Variants in DLGAP2 observed in about 807,000 individuals in gnomAD.
DLGAP2 encodes DLG associated protein 2.
Under a neutral mutation model 100.3 loss-of-function variants are expected in DLGAP2, and 26 were observed. The observed-to-expected ratio is 0.26, with a 90% CI of 0.19 to 0.36. The LOEUF (loss-of-function observed/expected upper bound fraction) is 0.36. DLGAP2 is among the 10% of genes least tolerant of loss of function. DLGAP2 has a pLI of 1.00. For missense variants in DLGAP2, 1,858 were observed against 1,453.2 expected (o/e 1.28, Z -4.53); for synonymous variants, 886 against 630.1 (o/e 1.41, Z -6.08).
intron 6 of DLGAP2, among the ~76,000 whole-genome samples, chr8:1,570,701 G>A (rs999180396): frequency 1.3e-5 from 2 of 150,812 alleles, no homozygotes; most frequent in Middle Eastern, 3.2e-3. Flanking sequence ...GGTGTCTGAT[G>A]AGATGGAGAG....
chr8:1,438,687 C>T (rs1797728950), intron 3 of DLGAP2, among the ~76,000 whole-genome samples: 1 of 152,194 alleles, frequency 6.6e-6, no homozygotes, highest in African/African-American at 2.4e-5. Context: ...AGGATTTGAT[C>T]TATCACAATA....
chr8:1,417,646 GA>G (rs1796948039), intron 3 of DLGAP2, among the ~76,000 whole-genome samples: 4 of 147,136 alleles, frequency 2.7e-5, no homozygotes, highest in African/African-American at 1.1e-4. Flanking sequence ...GGGGCACGGG[GA>G]GCCCCACTCC....
chr8:1,604,671 C>A (rs79142055), intron 6 of DLGAP2: 2 of 112,122 alleles, frequency 1.8e-5, no homozygotes, highest in African/African-American at 3.1e-5. Flanking sequence ...CATGCAAGCA[C>A]GCAGGAGACT....
At chr8:1,562,411 A>T (rs79162251) in intron 5 of DLGAP2, among the ~76,000 whole-genome samples, 1 of 41,814 alleles carries the variant, frequency 2.4e-5, no homozygotes, top group Non-Finnish European at 4.3e-5. Flanking sequence ...GCGCCTCGTT[A>T]CTGGGGGACT....
At chr8:1,529,224 C>A (rs529875219) in intron 4 of DLGAP2, among the ~76,000 whole-genome samples, 78 of 152,232 alleles carry the variant, frequency 5.1e-4, no homozygotes, top group African/African-American at 1.7e-3. Flanking sequence ...GGGGAAGAGC[C>A]CCTTGTAAAA....
chr8:1,515,181 T>C (rs1160215943), intron 4 of DLGAP2, among the ~76,000 whole-genome samples: 1 of 151,114 alleles, frequency 6.6e-6, no homozygotes, highest in African/African-American at 2.4e-5. Flanking sequence ...TCACGGAGAG[T>C]TGTTGCATTG....
At chr8:1,196,554 G>C (rs12678079) in intron 2 of DLGAP2, among the ~76,000 whole-genome samples, 65,738 of 152,098 alleles carry the variant, frequency 0.43, 14,271 homozygotes, top group Middle Eastern at 0.6. Flanking sequence ...CAGCTGATAA[G>C]CAAAAGAATA....
intron 2 of DLGAP2, among the ~76,000 whole-genome samples, chr8:1,111,085 T>C (rs1804942314): frequency 6.6e-6 from 1 of 152,230 alleles, no homozygotes; most frequent in Non-Finnish European, 1.5e-5. Flanking sequence ...ACTCCGGGGC[T>C]GCTTTCTGCC....
chr8:1,686,694 A>T (rs563489509), intron 12 of DLGAP2, among the ~76,000 whole-genome samples: 1 of 152,208 alleles, frequency 6.6e-6, no homozygotes, highest in African/African-American at 2.4e-5. Context: ...AGCAGAGCTC[A>T]TGAAGGTGGA....
At chr8:1,347,366 C>T (rs1294628805) in intron 3 of DLGAP2, among the ~76,000 whole-genome samples, 18 of 136,742 alleles carry the variant, frequency 1.3e-4, no homozygotes, top group Non-Finnish European at 3.2e-5. Context: ...TTCCCATACA[C>T]ATCTGCATTG....
chr8:1,647,488 C>CAAAAAAAAAAAAAAAAAAA (rs567451595), intron 8 of DLGAP2, among the ~76,000 whole-genome samples: 1 of 44,968 alleles, frequency 2.2e-5, no homozygotes, highest in African/African-American at 5.3e-5. Context: ...GACTCTGTCT[C>CAAAAAAAAAAAAAAAAAAA]AAAAAAAAAA....
At chr8:871,290 T>C (rs912109845) in intron 1 of DLGAP2, among the ~76,000 whole-genome samples, 1 of 152,244 alleles carries the variant, frequency 6.6e-6, no homozygotes, top group African/African-American at 2.4e-5. Flanking sequence ...CACTATCTTC[T>C]GTCCAAACTG....
At chr8:773,781 T>G (rs1666807859) in intron 1 of DLGAP2, among the ~76,000 whole-genome samples, 1 of 152,226 alleles carries the variant, frequency 6.6e-6, no homozygotes, top group South Asian at 2.1e-4. Context: ...AAGGCTTTGC[T>G]ATTGTGAATA....
At chr8:862,333 C>T (rs372039287) in intron 1 of DLGAP2, among the ~76,000 whole-genome samples, 7 of 148,488 alleles carry the variant, frequency 4.7e-5, no homozygotes, top group African/African-American at 1.5e-4. Context: ...GACGTAGTCT[C>T]ACTCTGTCGC....
chr8:1,128,121 A>T (rs1392327643), intron 2 of DLGAP2, among the ~76,000 whole-genome samples: 1 of 151,644 alleles, frequency 6.6e-6, no homozygotes. Context: ...TTCCGTGAGG[A>T]CCTGCTCCCC....
In DLGAP2 at chr8:840,655, G is replaced by C. The variant is rs1486930690; in HGVS notation, c.19-67257G>C. On this transcript the variant is annotated intron_variant, in intron 1 of 14. Coordinates refer to ENST00000637795, the MANE Select transcript of DLGAP2 (RefSeq NM_001346810.2). The stretch of plus-strand genomic sequence containing the variant: ...CGCCTGCATGTCTCCCTACACTCTG[G>C]ATTCTGCGAGCGCGTCCACACGGTG... Among the ~76,000 whole-genome samples, 16 of 131,340 alleles carry C rather than the reference G, an allele frequency of 1.2e-4. 1 individual carries two copies. The highest frequency in any genetic ancestry group is 3.9e-4 in the African/African-American group (14 of 36,198). The allele number at this position is 131,340 out of a possible 152,430, so 86.2% of individuals were successfully genotyped here.
chr8:1,277,434 A>G (rs899596233), intron 3 of DLGAP2, among the ~76,000 whole-genome samples: 7 of 152,248 alleles, frequency 4.6e-5, no homozygotes, highest in African/African-American at 1.7e-4. Flanking sequence ...AGCATATAAA[A>G]CAAACATCTG....
chr8:976,277 A>G (rs545681095), intron 2 of DLGAP2, among the ~76,000 whole-genome samples: 1 of 152,316 alleles, frequency 6.6e-6, no homozygotes, highest in Admixed American at 6.5e-5. Context: ...TGTATTGGTC[A>G]AAAAATCGGC....
chr8:1,644,121 T>C lies in DLGAP2; in HGVS notation c.1810+11075T>C, dbSNP rs549214248. ...GTGTCACCCTCGACCCCGCCGGCCC[T>C]CACCTGTGTCACCCCTCGGGGCTGA... On this transcript the variant is annotated intron_variant, in intron 8 of 14. Transcript: ENST00000637795. Among the ~76,000 whole-genome samples, 23 of 144,594 alleles carry C rather than the reference T, an allele frequency of 1.6e-4. 1 individual carries two copies. Among genetic ancestry groups the C allele is most frequent in the African/African-American group, 5.7e-4 (20 of 35,200 alleles). 94.9% of individuals were successfully genotyped at this position (144,594 alleles called of 152,430 possible). A position where few individuals can be genotyped will look rare whatever the true frequency, so the allele number is the denominator to read the frequency against.
Sources: gnomAD v4.1 joint callset for allele counts (sites outside exome capture counted in the v4.1 genomes callset) on GRCh38, gnomAD v4.1.1 for gene constraint, MANE v1.5 for transcripts, NCBI Gene and HGNC (gene_info 2026-07-23, HGNC 2026-07-21) for gene names.